RGS7: variants seen among roughly 807,000 people sequenced by gnomAD.
RGS7 encodes the protein regulator of G protein signaling 7, also known as regulator of G-protein signaling 7.
Under a neutral mutation model 81.1 loss-of-function variants are expected in RGS7, and 27 were observed. The observed-to-expected ratio is 0.33, with a 90% CI of 0.25 to 0.46. The LOEUF (loss-of-function observed/expected upper bound fraction) is 0.46, where lower values mean the gene tolerates loss of function less well. RGS7 is among the 20% of genes least tolerant of loss of function. The pLI, the probability that RGS7 is intolerant of heterozygous loss-of-function variation, is 1.00. For missense variants in RGS7, 396 were observed against 607.4 expected (o/e 0.65, Z 3.66); for synonymous variants, 208 against 207.7 (o/e 1.00, Z -0.01).
At chr1:241,140,746 T>A (rs1465219180) in intron 2 of RGS7, among the ~76,000 whole-genome samples, 1 of 152,212 alleles carries the variant, frequency 6.6e-6, no homozygotes, top group Non-Finnish European at 1.5e-5. Context: ...TTTTCAAGTG[T>A]GTCTTCTCCT....
intron 2 of RGS7, among the ~76,000 whole-genome samples, chr1:241,295,378 G>A (rs781753696): frequency 6.6e-6 from 1 of 151,928 alleles, no homozygotes; most frequent in East Asian, 1.9e-4. Flanking sequence ...ATTTGAACCT[G>A]AGAGGTGGAG....
chr1:241,165,283 C>T (rs981823120), intron 2 of RGS7, among the ~76,000 whole-genome samples: 2 of 152,150 alleles, frequency 1.3e-5, no homozygotes, highest in South Asian at 4.1e-4. Context: ...TACCATGTTA[C>T]AGAATCTATG....
At chr1:241,237,971 A>G (rs1020560709) in intron 2 of RGS7, among the ~76,000 whole-genome samples, 2 of 152,198 alleles carry the variant, frequency 1.3e-5, no homozygotes, top group African/African-American at 4.8e-5. Flanking sequence ...TCTCAGCGTG[A>G]GTCTAAAACT....
At chr1:241,096,887 T>C (rs2064292147) in intron 3 of RGS7, among the ~76,000 whole-genome samples, 2 of 152,138 alleles carry the variant, frequency 1.3e-5, no homozygotes, top group South Asian at 4.1e-4. Context: ...ACTGACCAGT[T>C]CCCAGTGCAG....
chr1:240,941,198 T>C (rs1282615210), intron 4 of RGS7, among the ~76,000 whole-genome samples: 2 of 152,194 alleles, frequency 1.3e-5, no homozygotes, highest in African/African-American at 4.8e-5. Context: ...ACACATTTCA[T>C]ATGTCAAGGT....
chr1:241,339,411 G>T (rs182554344), intron 2 of RGS7, among the ~76,000 whole-genome samples: 1 of 152,086 alleles, frequency 6.6e-6, no homozygotes, highest in Non-Finnish European at 1.5e-5. Flanking sequence ...TCAGAGTCTC[G>T]CTGTTAAGTT....
chr1:240,959,902 G>A (rs1435075026), intron 4 of RGS7, among the ~76,000 whole-genome samples: 9 of 152,172 alleles, frequency 5.9e-5, no homozygotes, highest in African/African-American at 1.4e-4. Flanking sequence ...GCTCACGCCT[G>A]TAATCCCAGC....
chr1:241,124,008 T>C (rs2066472745), intron 2 of RGS7, among the ~76,000 whole-genome samples: 1 of 152,124 alleles, frequency 6.6e-6, no homozygotes, highest in South Asian at 2.1e-4. Flanking sequence ...TTTCTGAAAG[T>C]TACTGATGAA....
intron 6 of RGS7, among the ~76,000 whole-genome samples, chr1:240,871,173 T>C (rs12026958): frequency 0.071 from 10,826 of 152,312 alleles, 629 homozygotes; most frequent in East Asian, 0.23. Flanking sequence ...TTTCACTAAA[T>C]ATGCATGATA....
At chr1:241,003,976 A>C (rs1029653069) in intron 3 of RGS7, among the ~76,000 whole-genome samples, 1 of 152,068 alleles carries the variant, frequency 6.6e-6, no homozygotes, top group Non-Finnish European at 1.5e-5. Context: ...TCGGCCTCCC[A>C]AAGTGCTAGG....
At chr1:241,277,124 A>T (rs1357921490) in intron 2 of RGS7, among the ~76,000 whole-genome samples, 1 of 152,204 alleles carries the variant, frequency 6.6e-6, no homozygotes, top group Non-Finnish European at 1.5e-5. Flanking sequence ...TAAAATAGCT[A>T]TGTACTCTCC....
At chr1:240,896,498 C>A (rs557833759) in intron 6 of RGS7, among the ~76,000 whole-genome samples, 11 of 152,010 alleles carry the variant, frequency 7.2e-5, no homozygotes, top group Admixed American at 2.0e-4. Context: ...AGCTTTCTAC[C>A]TATGGCTAGC....
chr1:240,961,903 G>T (rs1305908710), intron 4 of RGS7, among the ~76,000 whole-genome samples: 1 of 152,024 alleles, frequency 6.6e-6, no homozygotes, highest in East Asian at 1.9e-4. Flanking sequence ...GTAAGGGAGG[G>T]AAGAAGGCAG....
chr1:241,122,164 C>T (rs1043157574), intron 2 of RGS7, among the ~76,000 whole-genome samples: 7 of 152,168 alleles, frequency 4.6e-5, no homozygotes, highest in African/African-American at 1.7e-4. Flanking sequence ...ACCCTTGGCA[C>T]TTCATTCATC....
chr1:240,907,294 T>A (rs903321408), intron 6 of RGS7, among the ~76,000 whole-genome samples: 1 of 152,140 alleles, frequency 6.6e-6, no homozygotes, highest in African/African-American at 2.4e-5. Context: ...ATATTTTAAA[T>A]ATGCTAGTAT....
chr1:240,816,545 A>G lies in RGS7; in HGVS notation c.685-130T>C, dbSNP rs994737544. On this transcript the variant is annotated intron_variant, in intron 10 of 18. Transcript: ENST00000440928. Reference sequence around the variant, plus strand: ...TTATTTGATTAAGCTTCTTAACAAAATTCAAAAGGCACTGCTAAGATAAAA... The same window carrying G: ...TTATTTGATTAAGCTTCTTAACAAAGTTCAAAAGGCACTGCTAAGATAAAA... The G allele has an allele frequency of 1.5e-5, 10 of 660,370 alleles. No individual in the cohort carries two copies. In the East Asian group the frequency reaches 1.9e-4, roughly 13 times the overall value. The allele number at this position is 660,370 out of a possible 1,614,324, so 40.9% of individuals were successfully genotyped here. A position where few individuals can be genotyped will look rare whatever the true frequency, so the allele number is the denominator to read the frequency against.
chr1:240,874,159 G>C (rs1343146792), intron 6 of RGS7, among the ~76,000 whole-genome samples: 1 of 152,212 alleles, frequency 6.6e-6, no homozygotes, highest in African/African-American at 2.4e-5. Flanking sequence ...CATCAAATCA[G>C]TTGGCACTTT....
chr1:240,998,923 A>C, intron 3 of RGS7: 2 of 355,288 alleles, frequency 5.6e-6, no homozygotes, highest in Non-Finnish European at 1.1e-5. Context: ...CATAACTCCA[A>C]TGGCACCAAT....
chr1:240,894,530 A>T (rs974397854), intron 6 of RGS7, among the ~76,000 whole-genome samples: 8 of 151,614 alleles, frequency 5.3e-5, no homozygotes, highest in Admixed American at 4.6e-4. Flanking sequence ...CTTCCAATTT[A>T]CTTGTGCACT....
Sources: gnomAD v4.1 joint callset for allele counts (sites outside exome capture counted in the v4.1 genomes callset) on GRCh38, gnomAD v4.1.1 for gene constraint, MANE v1.5 for transcripts, NCBI Gene and HGNC (gene_info 2026-07-23, HGNC 2026-07-21) for gene names.